Variants in IMPG2 observed in about 807,000 individuals in gnomAD.
IMPG2 encodes interphotoreceptor matrix proteoglycan 2.
In IMPG2, 91 loss-of-function variants were observed where a neutral mutation model predicts 129.2. The observed-to-expected ratio is 0.70, with a 90% CI of 0.59 to 0.84. The LOEUF is 0.84. Among genes scored for constraint, IMPG2 ranks in the 40% least tolerant of loss-of-function variants. IMPG2 has a pLI of 0.00. For synonymous variants in IMPG2, 510 were observed against 517.7 expected, an observed-to-expected ratio of 0.99 and a Z score of 0.20; for missense variants, 1,430 against 1,461.7, an observed-to-expected ratio of 0.98 and a Z score of 0.35.
In IMPG2 at chr3:101,244,335, T is replaced by C; in HGVS notation, c.1996A>G (p.Lys666Glu). The C allele has an allele frequency of 6.2e-7, 1 of 1,614,060 alleles. No individual in the cohort carries two copies. The highest frequency in any genetic ancestry group is 8.5e-7 in the Non-Finnish European group (1 of 1,179,958). Reference sequence around the variant, plus strand: ...GTGGATCTGTCATCATGTTCATATTTTGAGTGCTTACTAATTTGGTCTGTG... The same window carrying C: ...GTGGATCTGTCATCATGTTCATATTCTGAGTGCTTACTAATTTGGTCTGTG... The part of the protein sequence containing the change: ...DSTDQISKHS[K>E]YEHDDRSTHF... Residue 666 changes from lysine (K) to glutamate (E), a missense_variant, in exon 13 of 19, where the codon AAA becomes GAA. Coordinates refer to ENST00000193391, the MANE Select transcript of IMPG2 (RefSeq NM_016247.4).
intron 16 of IMPG2, among the ~76,000 whole-genome samples, chr3:101,230,255 C>T (rs145266148): frequency 3.9e-5 from 6 of 152,296 alleles, no homozygotes; most frequent in Non-Finnish European, 5.9e-5. Context: ...AGACTTCAGA[C>T]GCACAGAAGC....
chr3:101,229,658 T>C, intron 16 of IMPG2, 68 bp from the exon 17 acceptor site: 2 of 1,350,532 alleles, frequency 1.5e-6, no homozygotes, highest in Admixed American at 3.6e-5. Context: ...ACTATTTACC[T>C]GGGACAATAT....
intron 10 of IMPG2, among the ~76,000 whole-genome samples, chr3:101,255,924 A>G (rs1046243445): frequency 1.3e-5 from 2 of 151,834 alleles, no homozygotes; most frequent in Non-Finnish European, 2.9e-5. Flanking sequence ...TCCATCTTAA[A>G]GTCCTATGTA....
intron 11 of IMPG2, among the ~76,000 whole-genome samples, chr3:101,252,935 T>A (rs1247163111): frequency 6.6e-6 from 1 of 152,138 alleles, no homozygotes; most frequent in Non-Finnish European, 1.5e-5. Context: ...CCCTACTGTT[T>A]GTATATGATA....
Position 101,244,458 on chromosome 3 carries a change from C to T in IMPG2, c.1873G>A (p.Ala625Thr), listed in dbSNP as rs373893244. The T allele has an allele frequency of 2.2e-5, 35 of 1,614,130 alleles. No individual in the cohort carries two copies. The highest frequency in any genetic ancestry group is 1.3e-4 in the Admixed American group (8 of 60,002). ...AGCCACGGCTTGGACAGTGGTTCAG[C>T]GCTCTTCTCTGATGAAGTCTCACTC... ...PWSETSSEKSAEPLSKPWLED... is the reference protein window; with the variant it reads ...PWSETSSEKSTEPLSKPWLED... The change falls in exon 13 of 19, where the codon GCT becomes ACT. Residue 625 changes from alanine to threonine, a missense_variant. By Grantham distance (58) the Ala-to-Thr change is moderately conservative. Transcript: ENST00000193391.
At chr3:101,229,300 A>ACCCCCACCCCCCCCCCCCCGGGCC in intron 17 of IMPG2, 80 bp downstream of exon 17, 1 of 859,118 alleles carries the variant, frequency 1.2e-6, no homozygotes, top group Non-Finnish European at 1.9e-6. Flanking sequence ...ACTCATACAC[A>ACCCCCACCCCCCCCCCCCCGGGCC]CCCCCACCCA....
chr3:101,291,118 C>A (rs574747915), intron 4 of IMPG2, among the ~76,000 whole-genome samples: 1 of 152,256 alleles, frequency 6.6e-6, no homozygotes, highest in South Asian at 2.1e-4. Flanking sequence ...TAGCACCACC[C>A]ATCATTTAAT....
chr3:101,288,953 A>G (rs1386113349), intron 4 of IMPG2, among the ~76,000 whole-genome samples: 1 of 152,226 alleles, frequency 6.6e-6, no homozygotes, highest in Non-Finnish European at 1.5e-5. Flanking sequence ...CAACCAAAGC[A>G]ATATAAACTG....
intron 6 of IMPG2, among the ~76,000 whole-genome samples, chr3:101,274,798 C>A (rs1316324701): frequency 6.6e-6 from 1 of 152,126 alleles, no homozygotes; most frequent in East Asian, 1.9e-4. Context: ...TTTATTCATT[C>A]ATTCACAAAT....
At chr3:101,252,991 T>A (rs1706560721) in intron 11 of IMPG2, among the ~76,000 whole-genome samples, 1 of 152,132 alleles carries the variant, frequency 6.6e-6, no homozygotes, top group African/African-American at 2.4e-5. Context: ...TCTGTAGTGG[T>A]TTTTAGTTGT....
chr3:101,257,595 G>T lies in IMPG2; in HGVS notation c.1087C>A (p.Gln363Lys). 1.2e-6 allele frequency: 2 copies of T among 1,613,346 alleles called. No homozygotes were observed. The highest frequency in any genetic ancestry group is 1.3e-5 in the African/African-American group (1 of 74,980). ...NFRDYIAETL[Q>K]QNFLLGNSSL... ...GAGTTCCCCAGCAAAAAATTCTGCT[G>T]CAATGTCTCAGCAATATAATCTCTG... is the stretch of plus-strand genomic sequence containing the variant. The change falls in exon 10 of 19, where the codon CAG becomes AAG. Residue 363 changes from glutamine (Q) to lysine (K), a missense_variant. Transcript: ENST00000193391.
At chr3:101,264,380 T>C (rs143222073) in intron 9 of IMPG2, among the ~76,000 whole-genome samples, 3 of 152,172 alleles carry the variant, frequency 2.0e-5, no homozygotes, top group African/African-American at 7.2e-5. Flanking sequence ...ATCCCAGGAA[T>C]GCAAGGATTG....
chr3:101,292,335 A>G (rs1467298738), intron 3 of IMPG2, among the ~76,000 whole-genome samples: 1 of 152,224 alleles, frequency 6.6e-6, no homozygotes, highest in Non-Finnish European at 1.5e-5. Flanking sequence ...AGACCAAATA[A>G]AAGCTCAATA....
intron 2 of IMPG2, among the ~76,000 whole-genome samples, chr3:101,307,443 A>G (rs945233720): frequency 6.6e-5 from 10 of 152,200 alleles, no homozygotes. Flanking sequence ...ACAGTTCCAC[A>G]TGGGTGGGGA....
chr3:101,244,471 T>A lies in IMPG2; in HGVS notation c.1860A>T (p.Ser620=). 2 of 1,614,138 alleles carry A rather than the reference T, an allele frequency of 1.2e-6. No homozygotes were observed. The highest frequency in any genetic ancestry group is 1.7e-6 in the Non-Finnish European group (2 of 1,179,982). ...DLITWPWSET[S]SEKSAEPLSK... is the part of the protein sequence containing the mutation. ...ACAGTGGTTCAGCGCTCTTCTCTGA[T>A]GAAGTCTCACTCCATGGCCAAGTAA... The change falls in exon 13 of 19, where the codon TCA becomes TCT. Residue 620 remains serine, a synonymous_variant. Transcript: ENST00000193391.
In IMPG2 at chr3:101,249,399, T is replaced by C. The variant is rs1325282670; in HGVS notation, c.1240-3294A>G. Among the ~76,000 whole-genome samples, 4 of 151,906 alleles carry C rather than the reference T, an allele frequency of 2.6e-5. No individual in the cohort carries two copies. The East Asian group carries it at 7.7e-4, about 29-fold the overall frequency. On this transcript the variant is annotated intron_variant, in intron 11 of 18. Coordinates refer to ENST00000193391, the MANE Select transcript of IMPG2 (RefSeq NM_016247.4). ...AAATGAAATATAAATGCCCAGCAAA[T>C]AAGGAATGAGAATCACTTAAAACAA...
chr3:101,262,690 T>G (rs1419378369), intron 9 of IMPG2, among the ~76,000 whole-genome samples: 1 of 151,246 alleles, frequency 6.6e-6, no homozygotes, highest in Non-Finnish European at 1.5e-5. Context: ...ATGACATAAG[T>G]TCTCTACTGT....
chr3:101,236,583 CG>C (rs1559640770), intron 14 of IMPG2, among the ~76,000 whole-genome samples: 3 of 152,198 alleles, frequency 2.0e-5, no homozygotes, highest in Admixed American at 2.0e-4. Flanking sequence ...TCACCTCACC[CG>C]GAAGTGCAAG....
chr3:101,297,055 G>A (rs187399117), intron 3 of IMPG2, among the ~76,000 whole-genome samples: 4 of 152,202 alleles, frequency 2.6e-5, no homozygotes, highest in African/African-American at 4.8e-5. Context: ...GGCGCCAGGC[G>A]CCAGCCACCA....
Sources: allele counts gnomAD v4.1 joint callset (sites outside exome capture counted in the v4.1 genomes callset), GRCh38; gene constraint gnomAD v4.1.1; transcripts MANE v1.5; gene names NCBI Gene and HGNC (gene_info 2026-07-23, HGNC 2026-07-21).